The following PLCL1 variants were observed in gnomAD, a reference collection of about 807,000 sequenced individuals.
PLCL1 encodes phospholipase C like 1 (inactive), also known as inactive phospholipase C-like protein 1.
A neutral mutation model predicts 84.4 loss-of-function variants in PLCL1; 41 were observed. The ratio of observed to expected loss-of-function variants is 0.49; its 90% CI spans 0.38 to 0.63. The LOEUF is 0.63. Ranked by LOEUF, PLCL1 falls within the 30% of genes least tolerant of loss-of-function variation. PLCL1 has a pLI of 0.00. For synonymous variants in PLCL1, 490 were observed against 488.3 expected, an observed-to-expected ratio of 1.00 and a Z score of -0.05; for missense variants, 1,206 against 1,367.8, an observed-to-expected ratio of 0.88 and a Z score of 1.87.
intron 1 of PLCL1, among the ~76,000 whole-genome samples, chr2:197,922,672 G>T (rs1393059994): frequency 2.2e-4 from 19 of 85,612 alleles, no homozygotes; most frequent in African/African-American, 7.6e-4. Context: ...CCTCCCTCCC[G>T]GACGGGGCGG....
chr2:198,089,347 A>G (rs1210685184), intron 3 of PLCL1, among the ~76,000 whole-genome samples: 2 of 152,240 alleles, frequency 1.3e-5, no homozygotes, highest in African/African-American at 4.8e-5. Flanking sequence ...CTCATCATCT[A>G]AATGACTTTA....
chr2:198,058,044 A>C (rs1692108688), intron 1 of PLCL1, among the ~76,000 whole-genome samples: 1 of 152,204 alleles, frequency 6.6e-6, no homozygotes, highest in Non-Finnish European at 1.5e-5. Flanking sequence ...CCTATTTTGA[A>C]TGATGCCTCT....
At chr2:198,072,011 A>G (rs2105886069) in intron 1 of PLCL1, among the ~76,000 whole-genome samples, 1 of 152,032 alleles carries the variant, frequency 6.6e-6, no homozygotes, top group South Asian at 2.1e-4. Context: ...TTACAACTGC[A>G]TCCATTGAAA....
intron 1 of PLCL1, among the ~76,000 whole-genome samples, chr2:198,004,046 A>C (rs1346359099): frequency 6.6e-6 from 1 of 152,218 alleles, no homozygotes; most frequent in Non-Finnish European, 1.5e-5. Context: ...GGGTAATTAA[A>C]AACTGAAAGT....
At chr2:198,051,745 T>A (rs1361459782) in intron 1 of PLCL1, among the ~76,000 whole-genome samples, 1 of 152,192 alleles carries the variant, frequency 6.6e-6, no homozygotes, top group Non-Finnish European at 1.5e-5. Flanking sequence ...TTATTTATTT[T>A]ATTTTATTTA....
intron 5 of PLCL1, among the ~76,000 whole-genome samples, chr2:198,140,345 T>A (rs920482258): frequency 2.6e-5 from 4 of 152,164 alleles, no homozygotes; most frequent in Admixed American, 2.0e-4. Flanking sequence ...CACTTATATG[T>A]AGAATTCTAT....
intron 1 of PLCL1, among the ~76,000 whole-genome samples, chr2:198,051,141 G>GAAC (rs1177522245): frequency 1.3e-5 from 2 of 152,022 alleles, no homozygotes; most frequent in Non-Finnish European, 2.9e-5. Flanking sequence ...ATTATAAGGA[G>GAAC]AACAAACTCA....
chr2:197,947,058 T>C (rs534216421), intron 1 of PLCL1, among the ~76,000 whole-genome samples: 4 of 152,188 alleles, frequency 2.6e-5, no homozygotes, highest in South Asian at 4.1e-4. Context: ...TATTGAGTGC[T>C]TACTGTGTAT....
intron 5 of PLCL1, among the ~76,000 whole-genome samples, chr2:198,114,120 T>G (rs926313479): frequency 2.0e-5 from 3 of 151,910 alleles, no homozygotes; most frequent in African/African-American, 7.2e-5. Context: ...GTTTAAAACA[T>G]TATTTCAAAC....
At chr2:198,096,843 A>G (rs915049962) in intron 3 of PLCL1, among the ~76,000 whole-genome samples, 1 of 152,184 alleles carries the variant, frequency 6.6e-6, no homozygotes, top group Admixed American at 6.5e-5. Flanking sequence ...TTGCAATGGA[A>G]TGAATACACT....
intron 5 of PLCL1, among the ~76,000 whole-genome samples, chr2:198,118,311 A>T: frequency 6.6e-6 from 1 of 151,932 alleles, no homozygotes; most frequent in East Asian, 1.9e-4. Context: ...CACCTTAAAA[A>T]TTGCTGGGTT....
intron 1 of PLCL1, among the ~76,000 whole-genome samples, chr2:197,828,782 A>G (rs1690987790): frequency 6.6e-6 from 1 of 152,148 alleles, no homozygotes; most frequent in Non-Finnish European, 1.5e-5. Context: ...TCCCCTTAGG[A>G]AACATATCAA....
intron 1 of PLCL1, among the ~76,000 whole-genome samples, chr2:197,808,641 C>T (rs1690527730): frequency 6.6e-6 from 1 of 152,172 alleles, no homozygotes; most frequent in Admixed American, 6.5e-5. Context: ...AGAAGAAAAG[C>T]TTTAGTACAT....
At chr2:197,979,902 T>C (rs1690068701) in intron 1 of PLCL1, among the ~76,000 whole-genome samples, 1 of 152,210 alleles carries the variant, frequency 6.6e-6, no homozygotes, top group African/African-American at 2.4e-5. Flanking sequence ...CCTATACCAT[T>C]CATTCACTCA....
intron 1 of PLCL1, among the ~76,000 whole-genome samples, chr2:197,939,193 C>G (rs547709080): frequency 3.9e-5 from 6 of 151,972 alleles, no homozygotes; most frequent in African/African-American, 1.4e-4. Flanking sequence ...AGAGAGATGT[C>G]GGTAAGTATA....
chr2:198,101,434 T>A (rs936652241), intron 4 of PLCL1, 74 bp downstream of exon 4: 3 of 832,718 alleles, frequency 3.6e-6, no homozygotes, highest in Non-Finnish European at 3.8e-6. Context: ...CTTGGTAGAT[T>A]TTTTTTTCAG....
intron 1 of PLCL1, among the ~76,000 whole-genome samples, chr2:197,985,857 A>G (rs1690209052): frequency 2.0e-5 from 3 of 152,232 alleles, no homozygotes; most frequent in South Asian, 4.1e-4. Context: ...GAGAGGATCC[A>G]TTTTAAGTGA....
rs554668491 is a variant in PLCL1 at position 198,085,869 on chromosome 2, C to T, written c.2352C>T (p.Phe784=). The change falls in exon 2 of 6, where the codon TTC becomes TTT. Residue 784 remains phenylalanine, a synonymous_variant. Transcript: ENST00000428675. The surrounding 1 kb of genome is among the most constrained non-coding windows in gnomAD (Gnocchi z 5.3). The part of the protein sequence containing the change: ...DNPIFDETFE[F]QVNLPELAMI... ...CTATTTTTGATGAAACTTTTGAGTT[C>T]CAAGTAAACCTACCTGAGCTGGCCA... The T allele has an allele frequency of 3.2e-5, 51 of 1,614,036 alleles. No homozygotes were observed. The South Asian group carries it at 5.4e-4, about 17-fold the overall frequency.
intron 1 of PLCL1, among the ~76,000 whole-genome samples, chr2:197,829,576 A>G (rs1187507520): frequency 1.3e-5 from 2 of 152,198 alleles, no homozygotes; most frequent in Non-Finnish European, 2.9e-5. Context: ...TTTTCAAAAA[A>G]CATGTAGATT....
Sources: allele counts gnomAD v4.1 joint callset (sites outside exome capture counted in the v4.1 genomes callset), GRCh38; gene constraint gnomAD v4.1.1; non-coding constraint Gnocchi (gnomAD v3.1); transcripts MANE v1.5; gene names NCBI Gene and HGNC (gene_info 2026-07-23, HGNC 2026-07-21).